Variants in MYOM3 observed in about 807,000 individuals in gnomAD.
MYOM3 encodes the protein myomesin-3.
Under a neutral mutation model 191.7 loss-of-function variants are expected in MYOM3, and 155 were observed. The observed-to-expected ratio is 0.81, with a 90% CI of 0.71 to 0.92. The LOEUF (loss-of-function observed/expected upper bound fraction) is 0.92, where lower values mean the gene tolerates loss of function less well. Among genes scored for constraint, MYOM3 ranks in the 40% least tolerant of loss-of-function variants. MYOM3 has a pLI of 0.00. For missense variants in MYOM3, 1,889 were observed against 1,890.6 expected (o/e 1.00, Z 0.02); for synonymous variants, 757 against 762.9 (o/e 0.99, Z 0.13).
intron 20 of MYOM3, among the ~76,000 whole-genome samples, chr1:24,079,374 T>C (rs1263716159): frequency 4.0e-5 from 6 of 151,896 alleles, no homozygotes; most frequent in Non-Finnish European, 8.8e-5. Flanking sequence ...CTATTTTTTT[T>C]TTTTTCTAGA....
At chr1:24,066,375 G>C in intron 28 of MYOM3, 1 of 626,486 alleles carries the variant, frequency 1.6e-6, no homozygotes, top group Non-Finnish European at 2.8e-6. Flanking sequence ...GGCCCACAGA[G>C]ACCACTTCAT....
At chr1:24,104,179 G>T (rs1166828111) in intron 5 of MYOM3, among the ~76,000 whole-genome samples, 2 of 152,086 alleles carry the variant, frequency 1.3e-5, no homozygotes, top group Non-Finnish European at 2.9e-5. Context: ...GTGAAGTTTT[G>T]GGTCAGTGTG....
At position 24,089,573 on chromosome 1, in the gene MYOM3, G is replaced by A. The variant is rs369274767; in HGVS notation, c.1579C>T (p.Arg527Trp). The A allele has an allele frequency of 3.6e-5, 58 of 1,595,904 alleles. No homozygotes were observed. The highest frequency in any genetic ancestry group is 3.6e-4 in the East Asian group (16 of 44,058). Residue 527 changes from arginine to tryptophan, a missense_variant, in exon 14 of 37, where the codon CGG becomes TGG. By Grantham distance (101) the Arg-to-Trp change is moderately radical. Transcript: ENST00000374434. ...VVLAWEEPSP[R>W]DRAPLTYSLE... ...GAGTACGTCAGTGGTGCTCTGTCCC[G>A]GGGGCTGGGCTCCTCCCAGGCCAGA...
chr1:24,071,042 T>C (rs1643524549), intron 25 of MYOM3, 75 bp downstream of exon 25: 1 of 1,540,092 alleles, frequency 6.5e-7, no homozygotes, highest in Admixed American at 1.7e-5. Flanking sequence ...TACCAGCCCA[T>C]GCGGAATCAC....
In MYOM3 at chr1:24,067,283, CCTTT is replaced by C. The variant is rs775863848; in HGVS notation, c.3356-199_3356-196del. ...AAATTTCTTTCTTTCTTTCTTCCTT[CCTTT>C]CTTTCTTTCTTTCTTTCCTTCTTTC... On this transcript the variant is annotated intron_variant, in intron 27 of 36. Coordinates refer to ENST00000374434, the MANE Select transcript of MYOM3 (RefSeq NM_152372.4). 5.4e-3 allele frequency among the ~76,000 whole-genome samples: 587 copies of C among 108,828 alleles called. 18 individuals are homozygous for C. Among genetic ancestry groups the C allele is most frequent in the African/African-American group, 0.016 (529 of 33,406 alleles). The allele number at this position is 108,828 out of a possible 152,430, so 71.4% of individuals were successfully genotyped here. A position where few individuals can be genotyped will look rare whatever the true frequency, so the allele number is the denominator to read the frequency against.
chr1:24,080,247 C>A, intron 19 of MYOM3, 53 bp from the exon 20 acceptor site: 1 of 1,467,772 alleles, frequency 6.8e-7, no homozygotes. Context: ...GCCAGGCAGC[C>A]AGCCAGGTAA....
chr1:24,090,704 G>A, intron 12 of MYOM3, 93 bp downstream of exon 12: 4 of 1,289,910 alleles, frequency 3.1e-6, no homozygotes, highest in Middle Eastern at 1.9e-4. Flanking sequence ...CCAGACTCGG[G>A]GCTCCTGAGG....
chr1:24,064,423 C>G, intron 29 of MYOM3: 1 of 462,776 alleles, frequency 2.2e-6, no homozygotes, highest in Non-Finnish European at 3.9e-6. Context: ...GAGGACAGAA[C>G]CAGACACCTT....
In MYOM3 at chr1:24,092,331, G is replaced by A. The variant is rs1643849995; in HGVS notation, c.1091-16C>T. On this transcript the variant is annotated splice_polypyrimidine_tract_variant and intron_variant, in intron 10 of 36. Transcript: ENST00000374434. ...GCCTCGGCATCTGAAACCCGGGGGT[G>A]AGAGGGAGGCCCTTCTAGTCAGTGG... 1 of 1,351,778 alleles carries A rather than the reference G, an allele frequency of 7.4e-7. No individual in the cohort carries two copies. 83.7% of individuals were successfully genotyped at this position (1,351,778 alleles called of 1,614,324 possible). A position where few individuals can be genotyped will look rare whatever the true frequency, so the allele number is the denominator to read the frequency against.
chr1:24,082,302 G>A, intron 17 of MYOM3, 114 bp from the exon 18 acceptor site: 3 of 1,059,352 alleles, frequency 2.8e-6, no homozygotes, highest in South Asian at 1.7e-5. Context: ...CTACTCCAGG[G>A]GTTTTTCCCT....
chr1:24,086,530 G>A, intron 15 of MYOM3, 114 bp downstream of exon 15: 1 of 1,075,098 alleles, frequency 9.3e-7, no homozygotes, highest in Non-Finnish European at 1.3e-6. Flanking sequence ...TCAGCTTCAT[G>A]ATGGGTAGAA....
rs1289595852 is a variant in MYOM3 at position 24,071,194 on chromosome 1, A to G, written c.3073T>C (p.Trp1025Arg). The G allele has an allele frequency of 6.2e-7, 1 of 1,614,124 alleles. No individual in the cohort carries two copies. Among genetic ancestry groups the G allele is most frequent in the East Asian group, 2.2e-5 (1 of 44,882 alleles). The change falls in exon 25 of 37, where the codon TGG becomes CGG. Residue 1025 changes from tryptophan (W) to arginine (R), a missense_variant. Physicochemically the swap from Trp to Arg is moderately radical, Grantham distance 101 (BLOSUM62 -3). Coordinates refer to ENST00000374434, the MANE Select transcript of MYOM3 (RefSeq NM_152372.4). ...GGAGATAACTTTTCTACTTCCAGCC[A>G]AAGCCGCACCTCCCCTCGCTCCAGG... ...DILERGEVRLWLEVEKLSPAA... is the reference protein window; with the variant it reads ...DILERGEVRLRLEVEKLSPAA...
intron 25 of MYOM3, among the ~76,000 whole-genome samples, chr1:24,069,842 C>T (rs1449161020): frequency 6.6e-6 from 1 of 152,088 alleles, no homozygotes; most frequent in East Asian, 1.9e-4. Flanking sequence ...AACTCCTGAC[C>T]TCAGGTGATT....
In MYOM3 at chr1:24,081,388, G is replaced by A. The variant is rs573631755; in HGVS notation, c.2349C>T (p.Gly783=). ...RARAANWAGV[G]ELSAPSSLFE... ...ACAGGCTGCTGGGTGCCGACAGCTC[G>A]CCAACACCTGCCCAGTTGGCAGCCC... Residue 783 remains glycine (G), a synonymous_variant, in exon 19 of 37, where the codon GGC becomes GGT. Coordinates refer to ENST00000374434, the MANE Select transcript of MYOM3 (RefSeq NM_152372.4). 7.7e-5 allele frequency: 125 copies of A among 1,614,128 alleles called. 1 individual carries two copies. In the South Asian group the frequency reaches 1.1e-3, roughly 15 times the overall value.
rs1321020436 is a variant in MYOM3 at position 24,057,248 on chromosome 1, C to T, written c.*116G>A. 42 of 1,063,088 alleles carry T rather than the reference C, an allele frequency of 4.0e-5. No individual in the cohort carries two copies. Among genetic ancestry groups the T allele is most frequent in the Non-Finnish European group, 5.7e-5 (42 of 739,070 alleles). The allele number at this position is 1,063,088 out of a possible 1,614,324, so 65.9% of individuals were successfully genotyped here. A position where few individuals can be genotyped will look rare whatever the true frequency, so the allele number is the denominator to read the frequency against. ...CCCACCCTCACATCCTGGGTTCTAT[C>T]TTGTCCCCTTTCCTTCTGCCCCACC... is the stretch of plus-strand genomic sequence containing the variant. On this transcript the variant is annotated 3_prime_UTR_variant, in exon 37 of 37. Transcript: ENST00000374434.
chr1:24,063,277 T>C lies in MYOM3; in HGVS notation c.3662-43A>G. On this transcript the variant is annotated intron_variant, in intron 31 of 36. Coordinates refer to ENST00000374434, the MANE Select transcript of MYOM3 (RefSeq NM_152372.4). The surrounding 1 kb of genome is among the most constrained non-coding windows in gnomAD (Gnocchi z 4.5). Reference sequence around the variant, plus strand: ...AAGGATGAATCTTCCCTGAGGCCATTTAGGCATCAGATTTTGGGGCCGGCT... The same window carrying C: ...AAGGATGAATCTTCCCTGAGGCCATCTAGGCATCAGATTTTGGGGCCGGCT... 1 of 1,545,122 alleles carries C rather than the reference T, an allele frequency of 6.5e-7. No homozygotes were observed. The highest frequency in any genetic ancestry group is 8.9e-7 in the Non-Finnish European group (1 of 1,118,276).
At chr1:24,080,424 C>A (rs750828954) in intron 19 of MYOM3, among the ~76,000 whole-genome samples, 43 of 152,176 alleles carry the variant, frequency 2.8e-4, no homozygotes, top group Non-Finnish European at 5.4e-4. Context: ...CGCTCAGCCT[C>A]CCCTCCTCCC....
intron 5 of MYOM3, among the ~76,000 whole-genome samples, chr1:24,104,246 C>T (rs1234684195): frequency 1.3e-5 from 2 of 152,170 alleles, no homozygotes; most frequent in South Asian, 2.1e-4. Flanking sequence ...ATTATTTGTG[C>T]CCCTGTTCTC....
chr1:24,103,302 A>T (rs1245260335), intron 5 of MYOM3, among the ~76,000 whole-genome samples: 2 of 152,186 alleles, frequency 1.3e-5, no homozygotes, highest in Non-Finnish European at 2.9e-5. Flanking sequence ...CCCAGTCCCC[A>T]CAGCATCCCA....
Sources: allele counts gnomAD v4.1 joint callset (sites outside exome capture counted in the v4.1 genomes callset), GRCh38; gene constraint gnomAD v4.1.1; non-coding constraint Gnocchi (gnomAD v3.1); transcripts MANE v1.5; gene names NCBI Gene and HGNC (gene_info 2026-07-23, HGNC 2026-07-21).